The following WDR70 variants were observed in gnomAD, a reference collection of about 807,000 sequenced individuals.
The protein encoded by WDR70 is WD repeat-containing protein 70.
In WDR70, 53 loss-of-function variants were observed where a neutral mutation model predicts 88.6. The observed-to-expected ratio is 0.60, with a 90% CI of 0.48 to 0.75. WDR70 has a LOEUF of 0.75. WDR70 is among the 30% of genes least tolerant of loss of function. WDR70 has a pLI of 0.00. For synonymous variants in WDR70, 280 were observed against 270.0 expected, an observed-to-expected ratio of 1.04 and a Z score of -0.36; for missense variants, 610 against 823.2, an observed-to-expected ratio of 0.74 and a Z score of 3.17.
At chr5:37,382,996 A>G (rs538727011) in intron 3 of WDR70, among the ~76,000 whole-genome samples, 1 of 152,084 alleles carries the variant, frequency 6.6e-6, no homozygotes, top group Non-Finnish European at 1.5e-5. Flanking sequence ...CTGGGCGACA[A>G]AAGCAAAACT....
At chr5:37,393,331 C>T (rs12189377) in intron 4 of WDR70, among the ~76,000 whole-genome samples, 12,372 of 152,208 alleles carry the variant, frequency 0.081, 550 homozygotes, top group Middle Eastern at 0.095. Flanking sequence ...TGAGTCACCG[C>T]GCCCAGCGTT....
At chr5:37,385,365 C>G (rs867682165) in intron 3 of WDR70, among the ~76,000 whole-genome samples, 1 of 151,608 alleles carries the variant, frequency 6.6e-6, no homozygotes, top group South Asian at 2.1e-4. Flanking sequence ...AAAAATCTTA[C>G]AAAAATTAGC....
intron 3 of WDR70, among the ~76,000 whole-genome samples, chr5:37,383,038 A>C (rs1748482026): frequency 1.3e-5 from 2 of 152,000 alleles, no homozygotes; most frequent in Admixed American, 6.6e-5. Context: ...AAAATAAAAT[A>C]AAATGGGCGA....
chr5:37,723,215 T>C lies in WDR70; in HGVS notation c.1597+281T>C, dbSNP rs535544081. On this transcript the variant is annotated intron_variant, in intron 15 of 17. Coordinates refer to ENST00000265107, the MANE Select transcript of WDR70 (RefSeq NM_018034.4). The stretch of plus-strand genomic sequence containing the variant: ...ATAGCAGTTTTTTCAAGAGTAACAG[T>C]CTATTCCAAGTGTGAACAAGAAAGA... 3.4e-5 allele frequency: 13 copies of C among 385,424 alleles called. No homozygotes were observed. The South Asian group carries it at 3.9e-4, about 12-fold the overall frequency. 23.9% of individuals were successfully genotyped at this position (385,424 alleles called of 1,614,324 possible).
chr5:37,750,870 T>C (rs982241948), intron 17 of WDR70, among the ~76,000 whole-genome samples: 2 of 152,224 alleles, frequency 1.3e-5, no homozygotes, highest in African/African-American at 2.4e-5. Context: ...GTGAGAACAG[T>C]CTAATACAGA....
At chr5:37,399,155 G>A (rs540018283) in intron 5 of WDR70, among the ~76,000 whole-genome samples, 1 of 152,322 alleles carries the variant, frequency 6.6e-6, no homozygotes, top group East Asian at 1.9e-4. Flanking sequence ...GTGGGCGCCT[G>A]TAGTCCCAGC....
At chr5:37,579,606 A>T (rs916792281) in intron 9 of WDR70, among the ~76,000 whole-genome samples, 3 of 143,002 alleles carry the variant, frequency 2.1e-5, no homozygotes, top group Non-Finnish European at 4.6e-5. Context: ...AAAAAAAAAA[A>T]TTCCAATTCT....
chr5:37,471,108 G>A (rs554276212), intron 7 of WDR70, among the ~76,000 whole-genome samples: 15 of 152,162 alleles, frequency 9.9e-5, no homozygotes, highest in East Asian at 5.8e-4. Flanking sequence ...TCTCAAACGC[G>A]TGAACTCAAG....
At chr5:37,467,043 C>T (rs1369694916) in intron 7 of WDR70, among the ~76,000 whole-genome samples, 9 of 151,926 alleles carry the variant, frequency 5.9e-5, no homozygotes, top group African/African-American at 2.2e-4. Flanking sequence ...TGAAACTAGC[C>T]TGGGCAGCAT....
chr5:37,595,099 G>T (rs1445933484), intron 9 of WDR70, among the ~76,000 whole-genome samples: 5 of 152,132 alleles, frequency 3.3e-5, no homozygotes, highest in Non-Finnish European at 7.3e-5. Flanking sequence ...GGGACAATTT[G>T]ACTTCCTCTT....
chr5:37,510,682 T>G (rs930390905), intron 8 of WDR70, among the ~76,000 whole-genome samples: 11 of 152,226 alleles, frequency 7.2e-5, no homozygotes, highest in African/African-American at 2.2e-4. Context: ...CTCAACAATC[T>G]GTATAATGAT....
chr5:37,546,494 T>C (rs1270827855), intron 9 of WDR70, among the ~76,000 whole-genome samples: 1 of 152,238 alleles, frequency 6.6e-6, no homozygotes, highest in Admixed American at 6.5e-5. Context: ...ATAATTCCTA[T>C]ATAGGGATTA....
intron 5 of WDR70, among the ~76,000 whole-genome samples, chr5:37,420,927 A>G (rs7729506): frequency 0.092 from 14,058 of 152,140 alleles, 2,119 homozygotes; most frequent in African/African-American, 0.31. Flanking sequence ...CAAAAAATAA[A>G]TAAAAGAATT....
chr5:37,503,212 A>G (rs1740455591), intron 8 of WDR70, among the ~76,000 whole-genome samples: 1 of 151,974 alleles, frequency 6.6e-6, no homozygotes, highest in Non-Finnish European at 1.5e-5. Flanking sequence ...GCTTCATAGA[A>G]TGAGTTAGAG....
At chr5:37,561,166 A>C (rs1742491997) in intron 9 of WDR70, among the ~76,000 whole-genome samples, 1 of 152,196 alleles carries the variant, frequency 6.6e-6, no homozygotes, top group African/African-American at 2.4e-5. Context: ...TGGCTATTAC[A>C]GACTTGCCAT....
At chr5:37,419,956 C>T (rs1749894607) in intron 5 of WDR70, among the ~76,000 whole-genome samples, 1 of 152,144 alleles carries the variant, frequency 6.6e-6, no homozygotes, top group South Asian at 2.1e-4. Flanking sequence ...CCAGGCCAGT[C>T]TTGAGTTCCT....
At chr5:37,707,735 T>A (rs755316125) in intron 13 of WDR70, among the ~76,000 whole-genome samples, 1 of 150,928 alleles carries the variant, frequency 6.6e-6, no homozygotes, top group Non-Finnish European at 1.5e-5. Flanking sequence ...TCCAACATGA[T>A]GAACCTTGTC....
chr5:37,385,518 CA>C (rs1160087859), intron 3 of WDR70, among the ~76,000 whole-genome samples: 12,246 of 67,538 alleles, frequency 0.18, 448 homozygotes, highest in South Asian at 0.26. Flanking sequence ...GAGCCTGTCT[CA>C]AAAAAAAAAA....
chr5:37,675,166 T>C (rs537087272), intron 10 of WDR70, among the ~76,000 whole-genome samples: 1,708 of 152,190 alleles, frequency 0.011, 44 homozygotes, highest in African/African-American at 0.04. Flanking sequence ...GTGAAAATTT[T>C]CTCCCATTTT....
Sources: gnomAD v4.1 joint callset for allele counts (sites outside exome capture counted in the v4.1 genomes callset) on GRCh38, gnomAD v4.1.1 for gene constraint, MANE v1.5 for transcripts, NCBI Gene and HGNC (gene_info 2026-07-23, HGNC 2026-07-21) for gene names.